INPP4B: variants seen among roughly 807,000 people sequenced by gnomAD.
The protein encoded by INPP4B is inositol polyphosphate 4-phosphatase type II.
A neutral mutation model predicts 122.5 loss-of-function variants in INPP4B; 55 were observed. The observed-to-expected ratio is 0.45, with a 90% confidence interval of 0.36 to 0.56. INPP4B has a LOEUF of 0.56. INPP4B is among the 20% of genes least tolerant of loss of function. INPP4B has a pLI of 0.00. For synonymous variants in INPP4B, 403 were observed against 388.7 expected, an observed-to-expected ratio of 1.04 and a Z score of -0.43; for missense variants, 1,000 against 1,097.7, an observed-to-expected ratio of 0.91 and a Z score of 1.26.
chr4:142,706,258 C>T (rs1359236623), intron 2 of INPP4B, among the ~76,000 whole-genome samples: 2 of 152,230 alleles, frequency 1.3e-5, no homozygotes, highest in African/African-American at 2.4e-5. Context: ...CCTTGGCATA[C>T]CCAGAGCACA....
At chr4:142,819,785 C>A (rs377097104) in intron 1 of INPP4B, among the ~76,000 whole-genome samples, 5 of 152,166 alleles carry the variant, frequency 3.3e-5, no homozygotes, top group Admixed American at 3.3e-4. Flanking sequence ...CACACACACA[C>A]GCGCACACAC....
chr4:142,780,396 C>T (rs537045357), intron 1 of INPP4B, among the ~76,000 whole-genome samples: 9 of 152,100 alleles, frequency 5.9e-5, no homozygotes, highest in East Asian at 3.9e-4. Flanking sequence ...AATCAAAATA[C>T]GAAATGATGG....
chr4:142,681,841 C>G (rs1026800235), intron 2 of INPP4B, among the ~76,000 whole-genome samples: 3 of 151,884 alleles, frequency 2.0e-5, no homozygotes, highest in African/African-American at 7.2e-5. Context: ...CATCCTAATG[C>G]TCCATGTGCA....
chr4:142,186,314 C>T (rs945825827), intron 15 of INPP4B, among the ~76,000 whole-genome samples: 15 of 152,276 alleles, frequency 9.9e-5, no homozygotes, highest in Non-Finnish European at 1.9e-4. Flanking sequence ...CTATTATTTC[C>T]ACTTTACAGA....
chr4:142,538,460 C>G (rs1046438120), intron 2 of INPP4B, among the ~76,000 whole-genome samples: 7 of 152,014 alleles, frequency 4.6e-5, no homozygotes. Context: ...GGAATTAAAA[C>G]AACCATGAAC....
intron 23 of INPP4B, among the ~76,000 whole-genome samples, chr4:142,098,405 A>C (rs1782975014): frequency 6.6e-6 from 1 of 152,178 alleles, no homozygotes; most frequent in South Asian, 2.1e-4. Flanking sequence ...GAAGAGTTTT[A>C]GGAGACACAT....
chr4:142,760,645 A>T (rs759537682), intron 1 of INPP4B, among the ~76,000 whole-genome samples: 1 of 152,172 alleles, frequency 6.6e-6, no homozygotes, highest in East Asian at 1.9e-4. Flanking sequence ...ATTGAAAAAA[A>T]AGTGAATCTG....
At chr4:142,300,632 A>G (rs528202379) in intron 9 of INPP4B, among the ~76,000 whole-genome samples, 37 of 152,208 alleles carry the variant, frequency 2.4e-4, no homozygotes, top group Non-Finnish European at 3.1e-4. Context: ...CATAATCTAT[A>G]ATACATGTAC....
intron 2 of INPP4B, among the ~76,000 whole-genome samples, chr4:142,495,230 T>C (rs1822386716): frequency 6.6e-6 from 1 of 150,508 alleles, no homozygotes; most frequent in African/African-American, 2.4e-5. Flanking sequence ...TGGGATTGAT[T>C]CCCAGAAAAA....
At chr4:142,634,046 G>A (rs968521906) in intron 2 of INPP4B, among the ~76,000 whole-genome samples, 4 of 151,474 alleles carry the variant, frequency 2.6e-5, no homozygotes, top group Non-Finnish European at 5.9e-5. Context: ...GAGGGAGGTG[G>A]GGGGAAAAGG....
chr4:142,635,137 C>T (rs995425323), intron 2 of INPP4B, among the ~76,000 whole-genome samples: 3 of 151,888 alleles, frequency 2.0e-5, no homozygotes, highest in East Asian at 3.9e-4. Context: ...TAGAGAAATG[C>T]AAATCAAAAC....
chr4:142,314,654 C>A (rs1766806620), intron 8 of INPP4B, 58 bp downstream of exon 8: 3 of 1,509,664 alleles, frequency 2.0e-6, no homozygotes, highest in Non-Finnish European at 2.7e-6. Context: ...CAGAGAAAAT[C>A]CAAATGATTA....
At chr4:142,305,902 A>T in intron 8 of INPP4B, 1 of 1,042,846 alleles carries the variant, frequency 9.6e-7, no homozygotes, top group South Asian at 3.1e-5. Context: ...TCTTATTAGA[A>T]TTCCTCAAAT....
chr4:142,246,099 T>TAC (rs1728615136), intron 11 of INPP4B, among the ~76,000 whole-genome samples: 1 of 146,170 alleles, frequency 6.8e-6, no homozygotes, highest in Non-Finnish European at 1.5e-5. Context: ...TGTGTGTGTG[T>TAC]ATACACACAT....
chr4:142,662,795 A>G (rs1234002675), intron 2 of INPP4B, among the ~76,000 whole-genome samples: 2 of 152,258 alleles, frequency 1.3e-5, no homozygotes, highest in African/African-American at 2.4e-5. Context: ...GAGCAGCTAA[A>G]GTAAACCTAT....
At chr4:142,545,711 G>GTGTATATACACATA (rs1560781818) in intron 2 of INPP4B, among the ~76,000 whole-genome samples, 3 of 108,308 alleles carry the variant, frequency 2.8e-5, no homozygotes, top group Non-Finnish European at 5.2e-5. Context: ...ATATATATGT[G>GTGTATATACACATA]TGTGTATATG....
chr4:142,125,617 T>C (rs948034031), intron 18 of INPP4B, among the ~76,000 whole-genome samples: 3 of 152,106 alleles, frequency 2.0e-5, no homozygotes, highest in Non-Finnish European at 2.9e-5. Flanking sequence ...TTATCTCTTC[T>C]GCAAACTCAA....
At chr4:142,406,086 T>A (rs1203951549) in intron 5 of INPP4B, among the ~76,000 whole-genome samples, 1 of 152,160 alleles carries the variant, frequency 6.6e-6, no homozygotes, top group Non-Finnish European at 1.5e-5. Flanking sequence ...AGAAAAATAT[T>A]CCTTTTAAGC....
intron 7 of INPP4B, among the ~76,000 whole-genome samples, chr4:142,337,985 A>G (rs945080201): frequency 6.7e-6 from 1 of 149,760 alleles, no homozygotes; most frequent in African/African-American, 2.5e-5. Context: ...AATGTACCTA[A>G]TATCATTATA....
Sources: allele counts gnomAD v4.1 joint callset (sites outside exome capture counted in the v4.1 genomes callset), GRCh38; gene constraint gnomAD v4.1.1; transcripts MANE v1.5; gene names NCBI Gene and HGNC (gene_info 2026-07-23, HGNC 2026-07-21).